Variants in SFXN5 observed in about 807,000 individuals in gnomAD.
SFXN5 encodes the protein sideroflexin-5.
In SFXN5, 43 loss-of-function variants were observed where a neutral mutation model predicts 50.2. The observed-to-expected ratio is 0.86, with a 90% CI of 0.67 to 1.11. SFXN5 has a LOEUF of 1.11. Among genes scored for constraint, SFXN5 ranks in the 50% least tolerant of loss-of-function variants. The pLI is 0.00. For missense variants in SFXN5, 463 were observed against 454.1 expected, an observed-to-expected ratio of 1.02 and a Z score of -0.18; for synonymous variants, 203 against 185.8, an observed-to-expected ratio of 1.09 and a Z score of -0.75.
Position 72,999,790 on chromosome 2 carries a change from C to T in SFXN5, c.468+641G>A, listed in dbSNP as rs535230398. ...CCTCTACCCCAAACTGACAGGCCCCCAAAGGGGACTTAGATGCATCCTGCC... is the reference window on the plus strand; with the variant it reads ...CCTCTACCCCAAACTGACAGGCCCCTAAAGGGGACTTAGATGCATCCTGCC... On this transcript the variant is annotated intron_variant, in intron 8 of 13. Coordinates refer to ENST00000272433, the MANE Select transcript of SFXN5 (RefSeq NM_144579.3). Among the ~76,000 whole-genome samples, 32 of 152,280 alleles carry T rather than the reference C, an allele frequency of 2.1e-4. 2 individuals are homozygous for T. Among genetic ancestry groups the T allele is most frequent in the Middle Eastern group, 6.8e-3 (2 of 294 alleles).
In SFXN5 at chr2:72,961,971, G is replaced by A. The variant is rs1289862696; in HGVS notation, c.828-723C>T. Among the ~76,000 whole-genome samples the A allele has an allele frequency of 6.6e-6, 1 of 152,226 alleles. No individual in the cohort carries two copies. Among genetic ancestry groups the A allele is most frequent in the Non-Finnish European group, 1.5e-5 (1 of 68,048 alleles). Reference sequence around the variant, plus strand: ...AGCTGGCACCCTCTTCCCATGGCTGGCTTCGGAGCTGGTTTCCTGGGCAGG... The same window carrying A: ...AGCTGGCACCCTCTTCCCATGGCTGACTTCGGAGCTGGTTTCCTGGGCAGG... On this transcript the variant is annotated intron_variant, in intron 12 of 13. Transcript: ENST00000272433. This position sits in a 1 kb window ranked among gnomAD's most constrained non-coding sequence, Gnocchi z 4.4.
At chr2:72,970,325 G>C (rs1460833388) in intron 11 of SFXN5, among the ~76,000 whole-genome samples, 1 of 152,220 alleles carries the variant, frequency 6.6e-6, no homozygotes. Flanking sequence ...AACAGGTATG[G>C]GAATGACAGG....
intron 2 of SFXN5, among the ~76,000 whole-genome samples, chr2:73,048,185 T>G (rs993956536): frequency 2.6e-5 from 4 of 152,236 alleles, no homozygotes; most frequent in Non-Finnish European, 5.9e-5. Context: ...TATATTTATA[T>G]AGAGATATAG....
rs1322774896 is a variant in SFXN5, at chr2:72,968,512, T to C, written c.763A>G (p.Thr255Ala). ...ARHALLETAL[T>A]RVVLPMPILV... is the part of the protein sequence containing the mutation. ...ATGGGCATGGGCAGGACCACTCGCG[T>C]CAGCGCCGTCTCCAGCAGGGCCTGA... The change falls in exon 12 of 14, where the codon ACG becomes GCG. Residue 255 changes from threonine (T) to alanine (A), a missense_variant. By Grantham distance (58) the Thr-to-Ala change is moderately conservative (BLOSUM62 0). Transcript: ENST00000272433. 2 of 1,613,336 alleles carry C rather than the reference T, an allele frequency of 1.2e-6. No individual in the cohort carries two copies. Among genetic ancestry groups the C allele is most frequent in the Non-Finnish European group, 1.7e-6 (2 of 1,179,988 alleles).
Position 72,987,733 on chromosome 2 carries a change from T to C in SFXN5, c.625+525A>G, listed in dbSNP as rs192119105. Reference sequence around the variant, plus strand: ...TTGCACCACCATACTCCAGCCTGAGTGACAAGAGTGAAACTCTGACTCAAA... The same window carrying C: ...TTGCACCACCATACTCCAGCCTGAGCGACAAGAGTGAAACTCTGACTCAAA... On this transcript the variant is annotated intron_variant, in intron 10 of 13. Transcript: ENST00000272433. Among the ~76,000 whole-genome samples the C allele has an allele frequency of 3.8e-3, 585 of 151,972 alleles. 18 individuals are homozygous for C. The highest frequency in any genetic ancestry group is 0.036 in the Admixed American group (549 of 15,258).
intron 10 of SFXN5, among the ~76,000 whole-genome samples, chr2:72,974,820 A>G (rs1010453027): frequency 2.0e-5 from 3 of 151,162 alleles, no homozygotes; most frequent in African/African-American, 7.3e-5. Flanking sequence ...TGACAGGGAC[A>G]CTGAGAGCCT....
chr2:72,972,016 G>C (rs539299386), intron 10 of SFXN5, among the ~76,000 whole-genome samples: 1 of 152,336 alleles, frequency 6.6e-6, no homozygotes, highest in South Asian at 2.1e-4. Flanking sequence ...TGTCCATCTG[G>C]GAGGGCTCTC....
chr2:72,944,788 A>T lies in SFXN5; in HGVS notation c.*234T>A. 1 of 498,184 alleles carries T rather than the reference A, an allele frequency of 2.0e-6. No individual in the cohort carries two copies. The highest frequency in any genetic ancestry group is 3.6e-6 in the Non-Finnish European group (1 of 281,208). 30.9% of individuals were successfully genotyped at this position (498,184 alleles called of 1,614,324 possible). On this transcript the variant is annotated 3_prime_UTR_variant, in exon 14 of 14. Coordinates refer to ENST00000272433, the MANE Select transcript of SFXN5 (RefSeq NM_144579.3). ...AGTGGAGTTTTGACAACCCCACATA[A>T]GGCCCAGAAATGCACTTGATTATTT...
intron 10 of SFXN5, among the ~76,000 whole-genome samples, chr2:72,977,032 C>A (rs1670699912): frequency 6.6e-6 from 1 of 152,146 alleles, no homozygotes; most frequent in African/African-American, 2.4e-5. Flanking sequence ...AGGCATGTGA[C>A]CCGATTCCAG....
At chr2:73,025,312 T>C (rs1677421020) in intron 3 of SFXN5, among the ~76,000 whole-genome samples, 1 of 152,050 alleles carries the variant, frequency 6.6e-6, no homozygotes, top group Admixed American at 6.6e-5. Flanking sequence ...CGTAACCTTC[T>C]GCATCCTCCC....
At chr2:72,970,962 A>C (rs1286026864) in intron 11 of SFXN5, among the ~76,000 whole-genome samples, 1 of 152,160 alleles carries the variant, frequency 6.6e-6, no homozygotes, top group Non-Finnish European at 1.5e-5. Flanking sequence ...TGCTAGAATT[A>C]CAGGCGTGAG....
intron 1 of SFXN5, among the ~76,000 whole-genome samples, chr2:73,069,496 G>A (rs1049858975): frequency 6.6e-6 from 1 of 152,180 alleles, no homozygotes; most frequent in African/African-American, 2.4e-5. Context: ...CCATGCGGGA[G>A]GAGCAGATAT....
At chr2:73,045,517 T>C (rs544628904) in intron 2 of SFXN5, among the ~76,000 whole-genome samples, 4 of 151,234 alleles carry the variant, frequency 2.6e-5, no homozygotes, top group South Asian at 4.2e-4. Context: ...CCAGTGGTTA[T>C]AGAACTAAAA....
At chr2:72,989,703 C>T (rs1046287266) in intron 9 of SFXN5, among the ~76,000 whole-genome samples, 1 of 152,100 alleles carries the variant, frequency 6.6e-6, no homozygotes, top group Non-Finnish European at 1.5e-5. Context: ...TGGGGTTGGG[C>T]TAGGCAGAGG....
At chr2:73,049,022 T>TA (rs1358017715) in intron 2 of SFXN5, 3 of 152,226 alleles carry the variant, frequency 2.0e-5, no homozygotes, top group Admixed American at 1.3e-4. Flanking sequence ...TTACCAAAGG[T>TA]AAAAAGAAGA....
chr2:72,968,045 T>C (rs1297231417), intron 12 of SFXN5, among the ~76,000 whole-genome samples: 1 of 151,932 alleles, frequency 6.6e-6, no homozygotes, highest in Non-Finnish European at 1.5e-5. Context: ...CTAGTCTTCC[T>C]ACCTGAATCC....
At position 73,020,291 on chromosome 2, in the gene SFXN5, C is replaced by A. The variant is rs748511214; in HGVS notation, c.332-27G>T. On this transcript the variant is annotated intron_variant, in intron 5 of 13. Coordinates refer to ENST00000272433, the MANE Select transcript of SFXN5 (RefSeq NM_144579.3). The stretch of plus-strand genomic sequence containing the variant: ...TGTGAACGAGAAGAAAAGAGTCAGG[C>A]CTTATAATCCACTCACATCTCACCT... 6.8e-6 allele frequency: 11 copies of A among 1,613,430 alleles called. 1 individual carries two copies. The South Asian group carries it at 1.2e-4, about 18-fold the overall frequency.
At chr2:73,039,861 A>G (rs1292085690) in intron 3 of SFXN5, among the ~76,000 whole-genome samples, 3 of 150,980 alleles carry the variant, frequency 2.0e-5, no homozygotes, top group Admixed American at 1.3e-4. Context: ...CCCAGGCTGG[A>G]GTGCAGTGGC....
rs1392505291 is a variant in SFXN5 at position 72,960,086 on chromosome 2, C to T, written c.945+1045G>A. ...ACCACCCTGGCTGCTTGTCTTTGGACCCCGCCAGGGTGGAGGCCTCACCCA... is the reference window on the plus strand; with the variant it reads ...ACCACCCTGGCTGCTTGTCTTTGGATCCCGCCAGGGTGGAGGCCTCACCCA... On this transcript the variant is annotated intron_variant, in intron 13 of 13. Coordinates refer to ENST00000272433, the MANE Select transcript of SFXN5 (RefSeq NM_144579.3). This position sits in a 1 kb window ranked among gnomAD's most constrained non-coding sequence, Gnocchi z 6.1. 2.0e-5 allele frequency among the ~76,000 whole-genome samples: 3 copies of T among 151,872 alleles called. No individual in the cohort carries two copies. Among genetic ancestry groups the T allele is most frequent in the Admixed American group, 2.0e-4 (3 of 15,258 alleles).
Sources: allele counts gnomAD v4.1 joint callset (sites outside exome capture counted in the v4.1 genomes callset), GRCh38; gene constraint gnomAD v4.1.1; non-coding constraint Gnocchi (gnomAD v3.1); transcripts MANE v1.5; gene names NCBI Gene and HGNC (gene_info 2026-07-23, HGNC 2026-07-21).